Variants in CD99 observed in about 807,000 individuals in gnomAD.
CD99 encodes CD99 molecule (Xg blood group).
Under a neutral mutation model 28.4 loss-of-function variants are expected in CD99, and 19 were observed. The observed-to-expected ratio is 0.67, with a 90% confidence interval of 0.47 to 0.98. The LOEUF is 0.98. Ranked by LOEUF, CD99 falls within the 50% of genes least tolerant of loss-of-function variation. The pLI is 0.00. For missense variants in CD99, 283 were observed against 248.8 expected, an observed-to-expected ratio of 1.14 and a Z score of -0.92; for synonymous variants, 103 against 92.1, an observed-to-expected ratio of 1.12 and a Z score of -0.67.
At chrX:2,722,120 C>G (rs2049018337) in intron 5 of CD99, among the ~76,000 whole-genome samples, 1 of 151,136 alleles carries the variant, frequency 6.6e-6, no homozygotes. Context: ...CATGACTTTA[C>G]TTTTAAAATT....
At chrX:2,739,009 G>A (rs2050078530) in intron 9 of CD99, among the ~76,000 whole-genome samples, 2 of 151,836 alleles carry the variant, frequency 1.3e-5, no homozygotes, top group African/African-American at 4.8e-5. Flanking sequence ...CACCGTGTCC[G>A]GCTGATTTGT....
chrX:2,729,858 C>G (rs2049499438), intron 8 of CD99, among the ~76,000 whole-genome samples: 1 of 152,090 alleles, frequency 6.6e-6, no homozygotes, highest in Non-Finnish European at 1.5e-5. Context: ...TCTTCAAGAA[C>G]AAAAGCAAAT....
At chrX:2,691,669 C>G (rs767882693) in intron 1 of CD99, 2 of 704,412 alleles carry the variant, frequency 2.8e-6, no homozygotes, top group Non-Finnish European at 2.6e-6. Context: ...GTTGCAAACT[C>G]TTACATGTGG....
intron 1 of CD99, among the ~76,000 whole-genome samples, chrX:2,705,163 A>G (rs1485255241): frequency 1.3e-5 from 2 of 152,172 alleles, no homozygotes; most frequent in Admixed American, 6.5e-5. Context: ...ATAGCTTTCC[A>G]TGGGGTGAAC....
chrX:2,737,530 T>C (rs2050006378), intron 8 of CD99, among the ~76,000 whole-genome samples: 1 of 151,410 alleles, frequency 6.6e-6, no homozygotes, highest in African/African-American at 2.4e-5. Flanking sequence ...AGTCTTGCCC[T>C]GTCACCCAGG....
intron 8 of CD99, among the ~76,000 whole-genome samples, chrX:2,729,056 C>T (rs2049452465): frequency 2.0e-5 from 3 of 152,084 alleles, no homozygotes; most frequent in South Asian, 2.1e-4. Flanking sequence ...GTCTCGAACT[C>T]GTGACCTCAG....
At chrX:2,692,407 G>T (rs997336399) in intron 1 of CD99, among the ~76,000 whole-genome samples, 1 of 152,196 alleles carries the variant, frequency 6.6e-6, no homozygotes, top group Admixed American at 6.5e-5. Flanking sequence ...TGGGGAGGAC[G>T]GAGGAGGCCC....
At chrX:2,701,261 A>C (rs2047849635) in intron 1 of CD99, among the ~76,000 whole-genome samples, 1 of 150,226 alleles carries the variant, frequency 6.7e-6, no homozygotes, top group Non-Finnish European at 1.5e-5. Flanking sequence ...CCACCCATCC[A>C]TCCACTTACC....
At chrX:2,719,758 A>G in intron 4 of CD99, 53 bp downstream of exon 4, 4 of 1,525,484 alleles carry the variant, frequency 2.6e-6, no homozygotes, top group South Asian at 1.1e-5. Flanking sequence ...TTATCACCCA[A>G]TTATGATCAT....
At chrX:2,731,019 A>C (rs1220413743) in intron 8 of CD99, among the ~76,000 whole-genome samples, 1 of 152,126 alleles carries the variant, frequency 6.6e-6, no homozygotes, top group Non-Finnish European at 1.5e-5. Flanking sequence ...GACCTTTCCA[A>C]CTGCATCCAC....
chrX:2,727,499 CAG>C (rs1220209874), intron 8 of CD99, among the ~76,000 whole-genome samples: 2 of 152,094 alleles, frequency 1.3e-5, no homozygotes, highest in African/African-American at 4.8e-5. Flanking sequence ...TTTCTTGAGA[CAG>C]AGTTTCGCTC....
chrX:2,736,813 C>T (rs35161052), intron 8 of CD99, among the ~76,000 whole-genome samples: 8,906 of 151,704 alleles, frequency 0.059, 312 homozygotes, highest in Non-Finnish European at 0.083. Flanking sequence ...GCTGATATCG[C>T]GCCACTGCAC....
In CD99 at chrX:2,740,761, T is replaced by C; in HGVS notation, c.533-18T>C. 6.2e-7 allele frequency: 1 copy of C among 1,613,778 alleles called. No homozygotes were observed. The highest frequency in any genetic ancestry group is 2.2e-5 in the East Asian group (1 of 44,876). On this transcript the variant is annotated intron_variant, in intron 9 of 9. Transcript: ENST00000381192. ...CAGGGACCTGGGAATGACTTTCTTT[T>C]GTCTCTGTCTCCCACAGTTCAGCGT...
intron 1 of CD99, among the ~76,000 whole-genome samples, chrX:2,699,847 T>G (rs911367722): frequency 3.9e-5 from 6 of 152,180 alleles, no homozygotes; most frequent in African/African-American, 1.4e-4. Context: ...TTCTGTTTCT[T>G]CCCTCCTACA....
chrX:2,717,899 C>G, intron 3 of CD99: 1 of 501,306 alleles, frequency 2.0e-6, no homozygotes, highest in Non-Finnish European at 3.6e-6. Flanking sequence ...TGCTTTTATT[C>G]TAAGGGTCTG....
chrX:2,719,780 T>G, intron 4 of CD99, 75 bp downstream of exon 4: 1 of 1,459,104 alleles, frequency 6.9e-7, no homozygotes, highest in Non-Finnish European at 9.6e-7. Context: ...TCAGAGAGAA[T>G]TCTCCCATTT....
intron 8 of CD99, among the ~76,000 whole-genome samples, chrX:2,736,942 A>C (rs1015335629): frequency 6.6e-6 from 1 of 151,890 alleles, no homozygotes; most frequent in Non-Finnish European, 1.5e-5. Flanking sequence ...CTGGAGGAGG[A>C]AGAAAACCGG....
intron 1 of CD99, chrX:2,692,290 G>A: frequency 4.0e-6 from 1 of 247,922 alleles, no homozygotes; most frequent in Non-Finnish European, 7.9e-6. Flanking sequence ...TTTGCTCTTC[G>A]TATGGGCAGG....
At chrX:2,694,283 T>G (rs1402052429) in intron 1 of CD99, among the ~76,000 whole-genome samples, 3 of 151,800 alleles carry the variant, frequency 2.0e-5, no homozygotes, top group Admixed American at 6.6e-5. Flanking sequence ...TTCGTTGTTT[T>G]TTTTTTTTTT....
Sources: gnomAD v4.1 joint callset for allele counts (sites outside exome capture counted in the v4.1 genomes callset) on GRCh38, gnomAD v4.1.1 for gene constraint, MANE v1.5 for transcripts, NCBI Gene and HGNC (gene_info 2026-07-23, HGNC 2026-07-21) for gene names.